The following TNIP3 variants were observed in gnomAD, a reference collection of about 807,000 sequenced individuals.
TNIP3 encodes the protein TNFAIP3 interacting protein 3.
Under a neutral mutation model 54.1 loss-of-function variants are expected in TNIP3, and 34 were observed. The observed-to-expected ratio is 0.63, with a 90% CI of 0.48 to 0.84. The LOEUF (loss-of-function observed/expected upper bound fraction) is 0.84, where lower values mean the gene tolerates loss of function less well. Among genes scored for constraint, TNIP3 ranks in the 40% least tolerant of loss-of-function variants. The pLI, the probability that TNIP3 is intolerant of heterozygous loss-of-function variation, is 0.00. For synonymous variants in TNIP3, 134 were observed against 136.8 expected (o/e 0.98, Z 0.14); for missense variants, 366 against 387.6 (o/e 0.94, Z 0.47).
intron 2 of TNIP3, among the ~76,000 whole-genome samples, chr4:121,197,680 A>T (rs1015604800): frequency 6.6e-6 from 1 of 152,220 alleles, no homozygotes; most frequent in African/African-American, 2.4e-5. Context: ...CTAGCTGGAA[A>T]ACTAAACATA....
intron 10 of TNIP3, among the ~76,000 whole-genome samples, chr4:121,134,748 C>T (rs1379623229): frequency 6.6e-6 from 1 of 152,114 alleles, no homozygotes; most frequent in Non-Finnish European, 1.5e-5. Flanking sequence ...ACCCTCAGTC[C>T]CTAGTCAGGA....
chr4:121,172,980 G>A (rs185866596), intron 3 of TNIP3, among the ~76,000 whole-genome samples: 58 of 152,274 alleles, frequency 3.8e-4, no homozygotes, highest in African/African-American at 1.2e-3. Flanking sequence ...TAACAGCCCC[G>A]TAAGAAGAGG....
intron 2 of TNIP3, among the ~76,000 whole-genome samples, chr4:121,200,957 T>C (rs1725851017): frequency 6.6e-6 from 1 of 151,438 alleles, no homozygotes; most frequent in Non-Finnish European, 1.5e-5. Context: ...TTGGTGAGAG[T>C]GAAAGTAAAG....
chr4:121,152,692 C>T (rs1560648624), intron 5 of TNIP3, among the ~76,000 whole-genome samples: 1 of 152,102 alleles, frequency 6.6e-6, no homozygotes, highest in South Asian at 2.1e-4. Context: ...TGAGTCCCTC[C>T]CTCCCTAAAA....
chr4:121,168,576 A>T (rs1349486292), upstream of TNIP3, among the ~76,000 whole-genome samples: 1 of 148,314 alleles, frequency 6.7e-6, no homozygotes, highest in Admixed American at 6.7e-5. Flanking sequence ...GCTGGAGTGC[A>T]GTGGTACAAT....
At chr4:121,146,082 G>A (rs1270613611) in intron 7 of TNIP3, among the ~76,000 whole-genome samples, 1 of 151,266 alleles carries the variant, frequency 6.6e-6, no homozygotes, top group Non-Finnish European at 1.5e-5. Flanking sequence ...TTATTTATTA[G>A]GTTGCCTGAA....
At chr4:121,133,909 A>G (rs1728625964) in intron 10 of TNIP3, among the ~76,000 whole-genome samples, 1 of 151,982 alleles carries the variant, frequency 6.6e-6, no homozygotes, top group Non-Finnish European at 1.5e-5. Flanking sequence ...TAGATGCTGA[A>G]AGAGGCAAGG....
intron 9 of TNIP3, among the ~76,000 whole-genome samples, chr4:121,141,415 G>A (rs1729110691): frequency 6.6e-6 from 1 of 152,164 alleles, no homozygotes; most frequent in African/African-American, 2.4e-5. Flanking sequence ...CACATATGTA[G>A]CAATATCCAT....
chr4:121,141,798 A>G lies in TNIP3; in HGVS notation c.885+18T>C. ...AAAACAGTATACTAAGCACTTTTTCAAATGCACTCTTACTTACTGGGTGCT... is the reference window on the plus strand; with the variant it reads ...AAAACAGTATACTAAGCACTTTTTCGAATGCACTCTTACTTACTGGGTGCT... On this transcript the variant is annotated intron_variant, in intron 9 of 10. Coordinates refer to ENST00000057513, the MANE Select transcript of TNIP3 (RefSeq NM_024873.6). The G allele has an allele frequency of 6.7e-7, 1 of 1,486,858 alleles. No homozygotes were observed. The highest frequency in any genetic ancestry group is 9.0e-7 in the Non-Finnish European group (1 of 1,109,912). 92.1% of individuals were successfully genotyped at this position (1,486,858 alleles called of 1,614,324 possible). A position where few individuals can be genotyped will look rare whatever the true frequency, so the allele number is the denominator to read the frequency against.
chr4:121,147,129 C>A lies in TNIP3; in HGVS notation c.655G>T (p.Glu219Ter). ...EDFKKERSDR[E>*]RLNQEKEELQ... ...TCCTCTTTCTCTTGATTAAGTCTCT[C>A]TCGATCCGATCGTTCCTTTTTGAAG... The change falls in exon 7 of 11, where the codon GAG becomes TAG. Residue 219 changes from glutamate to a stop codon, truncating the protein, a stop_gained. Transcript: ENST00000057513. LOFTEE classifies it high-confidence loss of function. 1.2e-6 allele frequency: 2 copies of A among 1,613,244 alleles called. No homozygotes were observed. Among genetic ancestry groups the A allele is most frequent in the Non-Finnish European group, 1.7e-6 (2 of 1,179,568 alleles).
chr4:121,200,700 C>G (rs1431914937), intron 2 of TNIP3, among the ~76,000 whole-genome samples: 1 of 152,186 alleles, frequency 6.6e-6, no homozygotes, highest in Non-Finnish European at 1.5e-5. Context: ...AGTAATCAGG[C>G]ACCTTGGCTA....
intron 1 of TNIP3, among the ~76,000 whole-genome samples, chr4:121,221,713 C>A (rs1381771553): frequency 6.6e-6 from 1 of 151,956 alleles, no homozygotes; most frequent in Non-Finnish European, 1.5e-5. Flanking sequence ...GGCTGCACAT[C>A]GTTTGGCTAA....
chr4:121,148,580 T>C (rs1729562133), intron 6 of TNIP3, among the ~76,000 whole-genome samples: 1 of 152,218 alleles, frequency 6.6e-6, no homozygotes, highest in Non-Finnish European at 1.5e-5. Flanking sequence ...GACAGAGCTT[T>C]AAGACTGTGC....
chr4:121,184,373 A>G (rs1724890168), intron 2 of TNIP3, among the ~76,000 whole-genome samples: 1 of 152,242 alleles, frequency 6.6e-6, no homozygotes, highest in African/African-American at 2.4e-5. Context: ...AGGCTCTGAC[A>G]GCCATGTTTC....
At chr4:121,216,506 A>AG in intron 1 of TNIP3, 1 of 1,535,612 alleles carries the variant, frequency 6.5e-7, no homozygotes, top group South Asian at 1.2e-5. Flanking sequence ...GGAATCTAAA[A>AG]TAAAAAAATA....
chr4:121,197,286 G>C (rs926138803), intron 2 of TNIP3, among the ~76,000 whole-genome samples: 1 of 152,080 alleles, frequency 6.6e-6, no homozygotes, highest in African/African-American at 2.4e-5. Flanking sequence ...CCAGCGTTTT[G>C]GGAAGCTGAA....
At position 121,206,649 on chromosome 4, in the gene TNIP3, A is replaced by G. The variant is rs1423396143; in HGVS notation, c.68+9766T>C. Among the ~76,000 whole-genome samples, 4 of 152,174 alleles carry G rather than the reference A, an allele frequency of 2.6e-5. 1 individual carries two copies. Among genetic ancestry groups the G allele is most frequent in the African/African-American group, 9.6e-5 (4 of 41,510 alleles). On this transcript the variant is annotated intron_variant, in intron 2 of 12. Transcript: ENST00000507879. ...CTAGCCTCAGCCTTCCAGACTCAAG[A>G]GATCCTCCCACCTCAGCCTCCTGAG...
intron 2 of TNIP3, among the ~76,000 whole-genome samples, chr4:121,194,544 T>C (rs1459188616): frequency 6.6e-6 from 1 of 152,226 alleles, no homozygotes; most frequent in Admixed American, 6.5e-5. Flanking sequence ...GTTTTGTTTT[T>C]CTAAAAGGAT....
At chr4:121,138,241 C>T (rs141795368) in intron 10 of TNIP3, among the ~76,000 whole-genome samples, 1 of 152,268 alleles carries the variant, frequency 6.6e-6, no homozygotes, top group African/African-American at 2.4e-5. Flanking sequence ...CTGCCAGTGA[C>T]ATTTAAAACA....
Sources: allele counts gnomAD v4.1 joint callset (sites outside exome capture counted in the v4.1 genomes callset), GRCh38; gene constraint gnomAD v4.1.1; transcripts MANE v1.5; gene names NCBI Gene and HGNC (gene_info 2026-07-23, HGNC 2026-07-21).